KIAA1217: variants seen among roughly 807,000 people sequenced by gnomAD.
KIAA1217 encodes the protein sickle tail protein homolog.
Under a neutral mutation model 163.9 loss-of-function variants are expected in KIAA1217, and 88 were observed. The observed-to-expected ratio is 0.54, with a 90% CI of 0.45 to 0.64. The LOEUF is 0.64. Ranked by LOEUF, KIAA1217 falls within the 30% of genes least tolerant of loss-of-function variation. KIAA1217 has a pLI of 0.00. For synonymous variants in KIAA1217, 903 were observed against 923.1 expected, an observed-to-expected ratio of 0.98 and a Z score of 0.39; for missense variants, 2,372 against 2,475.0, an observed-to-expected ratio of 0.96 and a Z score of 0.88.
chr10:23,861,682 C>T (rs558918080), intron 1 of KIAA1217, among the ~76,000 whole-genome samples: 1 of 152,128 alleles, frequency 6.6e-6, no homozygotes, highest in South Asian at 2.1e-4. Context: ...GCCAATAGGA[C>T]GAGGATGCAG....
At chr10:24,113,834 C>T (rs544532927) in intron 2 of KIAA1217, among the ~76,000 whole-genome samples, 17 of 152,282 alleles carry the variant, frequency 1.1e-4, no homozygotes, top group African/African-American at 2.9e-4. Flanking sequence ...ATAGCAGAAC[C>T]GTTAGCAGAA....
At chr10:23,865,624 T>G (rs1400031450) in intron 1 of KIAA1217, among the ~76,000 whole-genome samples, 1 of 152,076 alleles carries the variant, frequency 6.6e-6, no homozygotes, top group Non-Finnish European at 1.5e-5. Context: ...GCTTTAGAGG[T>G]GCTTAAGTTC....
chr10:24,150,363 A>C (rs1345360643), intron 2 of KIAA1217, among the ~76,000 whole-genome samples: 1 of 152,218 alleles, frequency 6.6e-6, no homozygotes, highest in South Asian at 2.1e-4. Flanking sequence ...ATATTTAAAA[A>C]GAGAACCATC....
At chr10:24,130,917 G>A (rs1264255524) in intron 2 of KIAA1217, among the ~76,000 whole-genome samples, 3 of 152,158 alleles carry the variant, frequency 2.0e-5, no homozygotes, top group African/African-American at 7.2e-5. Flanking sequence ...ATGGGCACAA[G>A]CCTCTAACTT....
rs895852273 is a variant in KIAA1217 at position 24,483,776 on chromosome 10, A to C, written c.1679+9716A>C. ...CTACCTGTTTGTACCTGTGCAAAAA[A>C]TGAGATGTCAATTCCAGAACACAAA... On this transcript the variant is annotated intron_variant, in intron 6 of 20. Coordinates refer to ENST00000376454, the MANE Select transcript of KIAA1217 (RefSeq NM_019590.5). Among the ~76,000 whole-genome samples the C allele has an allele frequency of 1.7e-4, 26 of 152,302 alleles. No homozygotes were observed. In the South Asian group the frequency reaches 1.9e-3, roughly 11 times the overall value.
chr10:23,738,423 A>T (rs1369373625), intron 1 of KIAA1217, among the ~76,000 whole-genome samples: 1 of 151,994 alleles, frequency 6.6e-6, no homozygotes, highest in African/African-American at 2.4e-5. Flanking sequence ...TATTTTTCAC[A>T]TTGTCATTTA....
chr10:24,202,330 G>A (rs762416490), intron 2 of KIAA1217, among the ~76,000 whole-genome samples: 24 of 152,216 alleles, frequency 1.6e-4, no homozygotes, highest in Non-Finnish European at 3.1e-4. Flanking sequence ...GGCCCTGGGA[G>A]GGAAGGTGAG....
chr10:24,410,799 G>A (rs2057698212), intron 3 of KIAA1217, among the ~76,000 whole-genome samples: 1 of 152,188 alleles, frequency 6.6e-6, no homozygotes, highest in African/African-American at 2.4e-5. Context: ...GATTGCCCTT[G>A]CATTTTGTTT....
intron 1 of KIAA1217, among the ~76,000 whole-genome samples, chr10:23,873,811 A>G (rs550992702): frequency 8.5e-5 from 13 of 152,106 alleles, no homozygotes; most frequent in South Asian, 8.3e-4. Flanking sequence ...ATGTTTCACC[A>G]TTGTAAGTCA....
rs551745556 is a variant in KIAA1217, at chr10:23,727,937, G to A, written c.-321+32703G>A. ...CCTATGTTAGTTTGCTGAGAATGAT[G>A]GTTTCCAGCTTCATCCATGTCCCTG... is the stretch of plus-strand genomic sequence containing the variant. On this transcript the variant is annotated intron_variant, in intron 1 of 18. Coordinates refer to the KIAA1217 transcript ENST00000376462. 9.9e-5 allele frequency among the ~76,000 whole-genome samples: 15 copies of A among 152,184 alleles called. No homozygotes were observed. In the South Asian group the frequency reaches 2.7e-3, roughly 27 times the overall value.
At chr10:24,021,275 A>G (rs1223791393) in intron 2 of KIAA1217, among the ~76,000 whole-genome samples, 1 of 152,002 alleles carries the variant, frequency 6.6e-6, no homozygotes, top group African/African-American at 2.4e-5. Context: ...TGAGGTTAAT[A>G]TACAAAAGCC....
chr10:23,818,014 C>CATATATATATAT (rs1166196227), intron 1 of KIAA1217, among the ~76,000 whole-genome samples: 3 of 107,418 alleles, frequency 2.8e-5, no homozygotes, highest in Non-Finnish European at 5.5e-5. Flanking sequence ...TATATACACA[C>CATATATATATAT]ATATATATAC....
chr10:24,205,644 G>A (rs1370076534), upstream of KIAA1217, among the ~76,000 whole-genome samples: 2 of 151,736 alleles, frequency 1.3e-5, no homozygotes, highest in East Asian at 3.9e-4. Flanking sequence ...GTGGTGGCAT[G>A]TGCCTGTAGT....
At position 23,714,551 on chromosome 10, in the gene KIAA1217, T is replaced by A. The variant is rs963356705; in HGVS notation, c.-321+19317T>A. 2.0e-5 allele frequency among the ~76,000 whole-genome samples: 3 copies of A among 152,136 alleles called. No individual in the cohort carries two copies. The South Asian group carries it at 6.2e-4, about 32-fold the overall frequency. On this transcript the variant is annotated intron_variant, in intron 1 of 18. Coordinates refer to the KIAA1217 transcript ENST00000376462. ...GCTATGCTGCCTCAAGATTCCTGCC[T>A]TTTCACCTGCTGGTCCACTGGCCTG... is the stretch of plus-strand genomic sequence containing the variant.
At chr10:24,243,367 A>G (rs1274101458) in intron 2 of KIAA1217, among the ~76,000 whole-genome samples, 1 of 152,034 alleles carries the variant, frequency 6.6e-6, no homozygotes, top group African/African-American at 2.4e-5. Context: ...CCATTATTCA[A>G]CTAGTGAACA....
chr10:23,922,196 G>A (rs1355745529), intron 1 of KIAA1217, among the ~76,000 whole-genome samples: 7 of 152,144 alleles, frequency 4.6e-5, no homozygotes, highest in Non-Finnish European at 1.5e-5. Context: ...AAAAGAAGGG[G>A]TTCAGAGAGC....
At chr10:24,074,805 A>G (rs1343781329) in intron 2 of KIAA1217, among the ~76,000 whole-genome samples, 1 of 149,242 alleles carries the variant, frequency 6.7e-6, no homozygotes, top group Non-Finnish European at 1.5e-5. Context: ...GGATCAAGTG[A>G]TCCCCCACCT....
chr10:24,124,017 G>A (rs2063380169), intron 2 of KIAA1217, among the ~76,000 whole-genome samples: 1 of 152,014 alleles, frequency 6.6e-6, no homozygotes, highest in Non-Finnish European at 1.5e-5. Context: ...ACTTTATTTA[G>A]GCTATCTTTT....
intron 2 of KIAA1217, among the ~76,000 whole-genome samples, chr10:24,196,996 G>GCAT (rs2067021574): frequency 1.3e-5 from 2 of 152,300 alleles, no homozygotes; most frequent in Admixed American, 1.3e-4. Flanking sequence ...CAGGTGCTAA[G>GCAT]CATCATTACA....
Sources: allele counts gnomAD v4.1 joint callset (sites outside exome capture counted in the v4.1 genomes callset), GRCh38; gene constraint gnomAD v4.1.1; transcripts MANE v1.5; gene names NCBI Gene and HGNC (gene_info 2026-07-23, HGNC 2026-07-21).